The following RPS27 variants were observed in gnomAD, a reference collection of about 807,000 sequenced individuals.
RPS27 encodes ribosomal protein S27.
Under a neutral mutation model 11.8 loss-of-function variants are expected in RPS27, and 1 was observed. That is an observed-to-expected ratio of 0.08 (90% CI 0.03 to 0.40). The LOEUF is 0.40. Among genes scored for constraint, RPS27 ranks in the 10% least tolerant of loss-of-function variants. The pLI is 0.98. For missense variants in RPS27, 44 were observed against 100.1 expected, an observed-to-expected ratio of 0.44 and a Z score of 2.39; for synonymous variants, 42 against 33.8, an observed-to-expected ratio of 1.24 and a Z score of -0.84.
chr1:153,992,069 T>C lies in RPS27; in HGVS notation c.231T>C (p.Cys77=). ...CTCTGAATCTTTTTCCTCCAGGATGTTCCTTCAGGAGGAAGCAGCACTAAA... is the reference window on the plus strand; with the variant it reads ...CTCTGAATCTTTTTCCTCCAGGATGCTCCTTCAGGAGGAAGCAGCACTAAA... ...TGGKARLTEG[C]SFRRKQH The change falls in exon 4 of 4, where the codon TGT becomes TGC. Residue 77 remains cysteine (C), a synonymous_variant. Transcript: ENST00000651669. The C allele has an allele frequency of 1.2e-6, 2 of 1,613,236 alleles. No individual in the cohort carries two copies. The highest frequency in any genetic ancestry group is 1.7e-6 in the Non-Finnish European group (2 of 1,179,546).
intron 3 of RPS27, 151 bp downstream of exon 3, chr1:153,991,827 A>G (rs941363271): frequency 3.0e-6 from 2 of 667,782 alleles, no homozygotes; most frequent in African/African-American, 1.8e-5. Flanking sequence ...TTTTAACTAG[A>G]TACTACCAAA....
At chr1:153,990,825 C>T (rs746331427) in intron 1 of RPS27, 23 bp downstream of exon 1, 13 of 1,614,058 alleles carry the variant, frequency 8.1e-6, no homozygotes, top group African/African-American at 2.7e-5. Flanking sequence ...GTCCAGGTTT[C>T]GGCGGAGATC....
At chr1:153,991,307 T>A in intron 2 of RPS27, 84 bp downstream of exon 2, 1 of 1,548,386 alleles carries the variant, frequency 6.5e-7, no homozygotes, top group Non-Finnish European at 8.7e-7. Flanking sequence ...CTCGTATCCT[T>A]GAAGCTGTGC....
chr1:153,990,939 G>T (rs1281284817), intron 1 of RPS27, 137 bp downstream of exon 1: 26 of 1,341,116 alleles, frequency 1.9e-5, no homozygotes, highest in Non-Finnish European at 2.8e-5. Context: ...GACCGCAGCG[G>T]CCCACGGGCC....
chr1:153,990,902 T>G (rs571305470), intron 1 of RPS27, 100 bp downstream of exon 1: 107 of 1,524,444 alleles, frequency 7.0e-5, no homozygotes, highest in Non-Finnish European at 9.5e-5. Flanking sequence ...ATTTACCCTC[T>G]GCACTTCTTA....
intron 2 of RPS27, 105 bp from the exon 3 acceptor site, chr1:153,991,461 A>G (rs1049212336): frequency 3.7e-6 from 5 of 1,353,428 alleles, no homozygotes; most frequent in Middle Eastern, 2.5e-4. Context: ...TACAACCCCT[A>G]CGTTTTTTTG....
intron 3 of RPS27, 94 bp downstream of exon 3, chr1:153,991,770 A>G (rs1649424294): frequency 3.8e-6 from 3 of 795,866 alleles, no homozygotes; most frequent in Non-Finnish European, 6.3e-6. Flanking sequence ...AGTGACAGGG[A>G]TCATCTATAA....
Position 153,991,648 on chromosome 1 carries a change from T to C in RPS27, c.198T>C (p.Pro66=), listed in dbSNP as rs1299311033. 6.2e-7 allele frequency: 1 copy of C among 1,610,050 alleles called. No individual in the cohort carries two copies. Among genetic ancestry groups the C allele is most frequent in the South Asian group, 1.1e-5 (1 of 90,942 alleles). ...CVGCSTVLCQ[P]TGGKARLTEG... is the part of the protein sequence containing the mutation. Reference sequence around the variant, plus strand: ...GCTGCTCCACTGTCCTCTGCCAGCCTACAGGAGGAAAAGCAAGGCTTACAG... The same window carrying C: ...GCTGCTCCACTGTCCTCTGCCAGCCCACAGGAGGAAAAGCAAGGCTTACAG... Residue 66 remains proline (P), a synonymous_variant, in exon 3 of 4, where the codon CCT becomes CCC. Coordinates refer to ENST00000651669, the MANE Select transcript of RPS27 (RefSeq NM_001030.6).
intron 1 of RPS27, 134 bp from the exon 2 acceptor site, chr1:153,990,981 G>T: frequency 8.4e-7 from 1 of 1,186,102 alleles, no homozygotes. Context: ...GAGGAGATAA[G>T]ATGGCGGCCC....
chr1:153,991,400 C>T (rs774452163), intron 2 of RPS27, 166 bp from the exon 3 acceptor site: 1 of 1,464,192 alleles, frequency 6.8e-7, no homozygotes, highest in East Asian at 2.5e-5. Context: ...CAAAGTTTTG[C>T]ATCTTAGGAG....
chr1:153,991,280 G>C (rs771119590), intron 2 of RPS27, 57 bp downstream of exon 2: 20 of 1,560,928 alleles, frequency 1.3e-5, no homozygotes, highest in Middle Eastern at 3.4e-4. Flanking sequence ...GTTGGAAAAT[G>C]TTGTAGTGTT....
chr1:153,992,034 G>A, intron 3 of RPS27, 31 bp from the exon 4 acceptor site: 1 of 1,608,782 alleles, frequency 6.2e-7, no homozygotes, highest in African/African-American at 1.3e-5. Flanking sequence ...CTGTACTGAT[G>A]ACAGCTAATC....
chr1:153,990,849 C>A (rs767437920), intron 1 of RPS27, 47 bp downstream of exon 1: 5 of 1,612,774 alleles, frequency 3.1e-6, no homozygotes, highest in Non-Finnish European at 3.4e-6. Flanking sequence ...CTGTTCTGTC[C>A]GAACTCTCCC....
chr1:153,991,532 T>C (rs746959195), intron 2 of RPS27, 34 bp from the exon 3 acceptor site: 5 of 1,529,636 alleles, frequency 3.3e-6, no homozygotes, highest in Middle Eastern at 2.2e-4. Context: ...ACGGGTGTAA[T>C]AGAGGAAAAA....
At chr1:153,991,430 G>T (rs968920274) in intron 2 of RPS27, 136 bp from the exon 3 acceptor site, 2 of 1,385,908 alleles carry the variant, frequency 1.4e-6, no homozygotes, top group East Asian at 2.5e-5. Context: ...ATTTCACCGT[G>T]ATCTCTCATC....
chr1:153,991,733 C>T (rs1649421505), intron 3 of RPS27, 57 bp downstream of exon 3: 1 of 1,166,258 alleles, frequency 8.6e-7, no homozygotes. Context: ...GAAATGGAAA[C>T]ATTTCTTAGG....
chr1:153,990,957 T>G lies in RPS27; in HGVS notation c.6+155T>G, dbSNP rs934678023. 2.4e-6 allele frequency: 3 copies of G among 1,268,906 alleles called. No homozygotes were observed. The African/African-American group carries it at 4.4e-5, about 19-fold the overall frequency. 78.6% of individuals were successfully genotyped at this position (1,268,906 alleles called of 1,614,324 possible). A position where few individuals can be genotyped will look rare whatever the true frequency, so the allele number is the denominator to read the frequency against. The stretch of plus-strand genomic sequence containing the variant: ...CGCAGCGGCCCACGGGCCACCCGCA[T>G]AGACGGGAGCGGAGAGGAGATAAGA... On this transcript the variant is annotated intron_variant, in intron 1 of 3. Transcript: ENST00000651669.
intron 2 of RPS27, 104 bp from the exon 3 acceptor site, chr1:153,991,462 C>T (rs917309806): frequency 1.8e-5 from 25 of 1,360,934 alleles, no homozygotes; most frequent in Admixed American, 4.1e-5. Flanking sequence ...ACAACCCCTA[C>T]GTTTTTTTGT....
intron 1 of RPS27, 129 bp downstream of exon 1, chr1:153,990,931 C>A: frequency 7.2e-7 from 1 of 1,395,978 alleles, no homozygotes; most frequent in African/African-American, 1.4e-5. Context: ...ACTCCAGGGA[C>A]CGCAGCGGCC....
Sources: gnomAD v4.1 joint callset for allele counts on GRCh38, gnomAD v4.1.1 for gene constraint, MANE v1.5 for transcripts, NCBI Gene and HGNC (gene_info 2026-07-23, HGNC 2026-07-21) for gene names.